The following DYNC1I1 variants were observed in gnomAD, a reference collection of about 807,000 sequenced individuals.
DYNC1I1 encodes the protein dynein cytoplasmic 1 intermediate chain 1.
In DYNC1I1, 43 loss-of-function variants were observed where a neutral mutation model predicts 86.6. The observed-to-expected ratio is 0.50, with a 90% CI of 0.39 to 0.64. The LOEUF (loss-of-function observed/expected upper bound fraction) is 0.64, where lower values mean the gene tolerates loss of function less well. Ranked by LOEUF, DYNC1I1 falls within the 30% of genes least tolerant of loss-of-function variation. The pLI, the probability that DYNC1I1 is intolerant of heterozygous loss-of-function variation, is 0.00. For synonymous variants in DYNC1I1, 262 were observed against 283.7 expected (o/e 0.92, Z 0.77); for missense variants, 604 against 788.8 (o/e 0.77, Z 2.81).
intron 14 of DYNC1I1, among the ~76,000 whole-genome samples, chr7:96,069,243 A>G (rs1053040333): frequency 6.6e-6 from 1 of 152,190 alleles, no homozygotes; most frequent in African/African-American, 2.4e-5. Flanking sequence ...GTAAAAATAG[A>G]GTTGGAGCAA....
At chr7:96,015,441 C>A (rs1220459171) in intron 10 of DYNC1I1, among the ~76,000 whole-genome samples, 2 of 152,068 alleles carry the variant, frequency 1.3e-5, no homozygotes, top group East Asian at 3.9e-4. Flanking sequence ...ATGTGTACAT[C>A]CTACGTCTTA....
intron 6 of DYNC1I1, among the ~76,000 whole-genome samples, chr7:95,962,028 C>T (rs562184000): frequency 6.6e-6 from 1 of 152,226 alleles, no homozygotes; most frequent in South Asian, 2.1e-4. Context: ...GTTTTGGGGC[C>T]AGACATTGGT....
At position 95,922,403 on chromosome 7, in the gene DYNC1I1, T is replaced by C. The variant is rs528453674; in HGVS notation, c.490+52405T>C. The stretch of plus-strand genomic sequence containing the variant: ...TGGCATGAGGGAACTTCCAACTATA[T>C]TGAGCTGTTTAACTAAGGAAACCAA... On this transcript the variant is annotated intron_variant, in intron 6 of 16. Transcript: ENST00000447467. Among the ~76,000 whole-genome samples, 3 of 152,276 alleles carry C rather than the reference T, an allele frequency of 2.0e-5. No homozygotes were observed. In the East Asian group the frequency reaches 5.8e-4, roughly 29 times the overall value.
chr7:96,082,554 T>C (rs1790556415), intron 16 of DYNC1I1, among the ~76,000 whole-genome samples: 2 of 152,200 alleles, frequency 1.3e-5, no homozygotes, highest in South Asian at 4.1e-4. Context: ...AACAGATTAG[T>C]TTAACAATCT....
intron 5 of DYNC1I1, among the ~76,000 whole-genome samples, chr7:95,838,385 G>C (rs1001230378): frequency 2.0e-5 from 3 of 152,076 alleles, no homozygotes; most frequent in African/African-American, 7.2e-5. Context: ...TCTCCATTCT[G>C]TCCCACTGAC....
At position 95,874,552 on chromosome 7, in the gene DYNC1I1, G is replaced by A. The variant is rs549620085; in HGVS notation, c.490+4554G>A. Among the ~76,000 whole-genome samples, 18 of 152,276 alleles carry A rather than the reference G, an allele frequency of 1.2e-4. No homozygotes were observed. The South Asian group carries it at 3.3e-3, about 28-fold the overall frequency. On this transcript the variant is annotated intron_variant, in intron 6 of 16. Coordinates refer to ENST00000447467, the MANE Select transcript of DYNC1I1 (RefSeq NM_001135556.2). ...ATATTGAAGGCTTAACCCCTAATAC[G>A]ACTATGTTTGTAAATAGGGTTTTTA...
intron 10 of DYNC1I1, among the ~76,000 whole-genome samples, chr7:96,021,817 A>G (rs143472112): frequency 1.7e-3 from 257 of 152,304 alleles, no homozygotes; most frequent in Non-Finnish European, 2.7e-3. Flanking sequence ...AGGTTCATCC[A>G]TGCTATACCA....
intron 16 of DYNC1I1, among the ~76,000 whole-genome samples, chr7:96,097,226 T>C (rs895091153): frequency 3.3e-5 from 5 of 152,204 alleles, no homozygotes; most frequent in African/African-American, 1.2e-4. Context: ...TGTAATTGTA[T>C]AGTTTGCATA....
At chr7:96,010,790 A>C (rs951112586) in intron 10 of DYNC1I1, among the ~76,000 whole-genome samples, 2 of 152,244 alleles carry the variant, frequency 1.3e-5, no homozygotes, top group African/African-American at 4.8e-5. Context: ...AAAATCTAGC[A>C]CAATGACTGT....
chr7:95,902,525 C>G (rs1791065509), intron 6 of DYNC1I1, among the ~76,000 whole-genome samples: 2 of 152,058 alleles, frequency 1.3e-5, no homozygotes. Context: ...TTAAGAGAAG[C>G]AAGAATAATA....
At chr7:95,853,860 A>AT (rs1284843235) in intron 5 of DYNC1I1, among the ~76,000 whole-genome samples, 1 of 152,178 alleles carries the variant, frequency 6.6e-6, no homozygotes, top group Non-Finnish European at 1.5e-5. Flanking sequence ...AATGTTATGG[A>AT]TATAACAACT....
At chr7:96,080,835 G>C (rs1320078994) in intron 16 of DYNC1I1, among the ~76,000 whole-genome samples, 1 of 152,102 alleles carries the variant, frequency 6.6e-6, no homozygotes. Flanking sequence ...ATTTTGGGAG[G>C]CCGTGGCAGG....
intron 5 of DYNC1I1, among the ~76,000 whole-genome samples, chr7:95,855,665 C>T (rs1789700403): frequency 6.6e-6 from 1 of 152,172 alleles, no homozygotes; most frequent in Non-Finnish European, 1.5e-5. Flanking sequence ...TAGCCTATTG[C>T]TCTTAGGCTA....
At chr7:95,776,199 G>GA (rs1251723076) in intron 1 of DYNC1I1, among the ~76,000 whole-genome samples, 2 of 152,006 alleles carry the variant, frequency 1.3e-5, no homozygotes, top group African/African-American at 4.8e-5. Context: ...TCTTAAAAAA[G>GA]AAAAAAATTA....
chr7:95,952,094 A>G (rs1792577403), intron 6 of DYNC1I1, among the ~76,000 whole-genome samples: 1 of 152,166 alleles, frequency 6.6e-6, no homozygotes, highest in Admixed American at 6.5e-5. Flanking sequence ...TACATAGAGA[A>G]TAAGAATCTT....
intron 16 of DYNC1I1, among the ~76,000 whole-genome samples, chr7:96,096,877 A>G (rs1032220297): frequency 6.6e-6 from 1 of 152,130 alleles, no homozygotes; most frequent in Non-Finnish European, 1.5e-5. Flanking sequence ...ATTATGACGA[A>G]TGAGTTAATG....
chr7:96,054,732 CT>C (rs1789518561), intron 14 of DYNC1I1, among the ~76,000 whole-genome samples: 1 of 152,172 alleles, frequency 6.6e-6, no homozygotes, highest in Admixed American at 6.5e-5. Context: ...TGATGGTGAG[CT>C]TTTTTTCATG....
intron 16 of DYNC1I1, among the ~76,000 whole-genome samples, chr7:96,085,601 C>G (rs562672056): frequency 6.6e-6 from 1 of 152,148 alleles, no homozygotes; most frequent in African/African-American, 2.4e-5. Context: ...GTGCTGAACT[C>G]CCATTAGCAT....
chr7:95,892,089 T>C (rs1790754884), intron 6 of DYNC1I1, among the ~76,000 whole-genome samples: 1 of 152,142 alleles, frequency 6.6e-6, no homozygotes, highest in Non-Finnish European at 1.5e-5. Context: ...TGCCTCAGCC[T>C]CCTAAGTAGC....
Sources: gnomAD v4.1 joint callset for allele counts (sites outside exome capture counted in the v4.1 genomes callset) on GRCh38, gnomAD v4.1.1 for gene constraint, MANE v1.5 for transcripts, NCBI Gene and HGNC (gene_info 2026-07-23, HGNC 2026-07-21) for gene names.